Variants in CFAP47 observed in about 807,000 individuals in gnomAD.
CFAP47 encodes cilia- and flagella-associated protein 47.
In CFAP47, 29 loss-of-function variants were observed where a neutral mutation model predicts 148.1. The observed-to-expected ratio is 0.20, with a 90% CI of 0.15 to 0.27. The LOEUF (loss-of-function observed/expected upper bound fraction) is 0.27. CFAP47 is among the 10% of genes least tolerant of loss of function. The probability of loss-of-function intolerance (pLI) is 1.00; values close to 1 mark genes in which losing one functional copy is unlikely to be tolerated. For missense variants in CFAP47, 1,872 were observed against 1,697.5 expected, an observed-to-expected ratio of 1.10 and a Z score of -1.81; for synonymous variants, 664 against 577.3, an observed-to-expected ratio of 1.15 and a Z score of -2.15.
At chrX:36,250,985 A>T (rs1347911534) in intron 48 of CFAP47, among the ~76,000 whole-genome samples, 1 of 111,458 alleles carries the variant, frequency 9.0e-6, no homozygotes, top group Non-Finnish European at 1.9e-5. Context: ...TCTTTTGTAT[A>T]TCAAACTGCC....
chrX:36,328,766 C>T (rs2146971115), intron 57 of CFAP47, among the ~76,000 whole-genome samples: 1 of 101,980 alleles, frequency 9.8e-6, no homozygotes, highest in East Asian at 3.2e-4. Context: ...GCAGAGATTG[C>T]GCCACTGCAG....
intron 59 of CFAP47, among the ~76,000 whole-genome samples, chrX:36,352,002 C>A (rs1241180346): frequency 1.8e-5 from 2 of 111,326 alleles, no homozygotes; most frequent in African/African-American, 3.3e-5. Context: ...GAGTTATTCT[C>A]AAACCCAGGA....
chrX:36,225,504 C>T (rs1940260463), intron 45 of CFAP47, among the ~76,000 whole-genome samples: 1 of 111,326 alleles, frequency 9.0e-6, no homozygotes, highest in Non-Finnish European at 1.9e-5. Context: ...GATATGTCAG[C>T]CCACACACTT....
At position 35,951,667 on chromosome X, in the gene CFAP47, A is replaced by C. The variant is rs1181420860; in HGVS notation, c.886-136A>C. 1.4e-5 allele frequency: 10 copies of C among 719,332 alleles called. No individual in the cohort carries two copies. In the South Asian group the frequency reaches 4.1e-4, roughly 30 times the overall value. 59.3% of individuals were successfully genotyped at this position (719,332 alleles called of 1,213,427 possible). ...TGTATGATGTGCCTTGGTCAAATTT[A>C]TGTGTAAATGTTACTTTAAAGATAG... On this transcript the variant is annotated intron_variant, in intron 5 of 63. Coordinates refer to ENST00000378653, the MANE Select transcript of CFAP47 (RefSeq NM_001304548.2).
At chrX:36,341,737 A>AAAT (rs781997949) in intron 57 of CFAP47, among the ~76,000 whole-genome samples, 14 of 110,600 alleles carry the variant, frequency 1.3e-4, no homozygotes, top group South Asian at 3.8e-4. Flanking sequence ...AGCAAAGCAC[A>AAAT]AATAATAATA....
At chrX:36,374,674 T>C (rs998437193) in intron 62 of CFAP47, 14 of 340,327 alleles carry the variant, frequency 4.1e-5, no homozygotes, top group Non-Finnish European at 6.6e-5. Context: ...TAAGATTTCC[T>C]CTTAATACTA....
rs782691306 is a variant in CFAP47, at chrX:36,285,711, G to A, written c.7671G>A (p.Met2557Ile). The change falls in exon 51 of 64, where the codon ATG (methionine) becomes ATA (isoleucine). Residue 2557 changes from methionine to isoleucine, a missense_variant. Coordinates refer to ENST00000378653, the MANE Select transcript of CFAP47 (RefSeq NM_001304548.2). ...TPGPPIEIME[M>I]TCIALDSTCI... ...GACCACCCATAGAGATTATGGAAATGACATGTATTGCTCTGGTAAGTGCCC... is the reference window on the plus strand; with the variant it reads ...GACCACCCATAGAGATTATGGAAATAACATGTATTGCTCTGGTAAGTGCCC... 7 of 1,152,382 alleles carry A rather than the reference G, an allele frequency of 6.1e-6. No individual in the cohort carries two copies. The highest frequency in any genetic ancestry group is 4.6e-6 in the Non-Finnish European group (4 of 861,716). 95.0% of individuals were successfully genotyped at this position (1,152,382 alleles called of 1,213,427 possible).
chrX:36,322,898 A>G (rs1423227343), intron 57 of CFAP47, among the ~76,000 whole-genome samples: 1 of 111,224 alleles, frequency 9.0e-6, no homozygotes, highest in Admixed American at 9.7e-5. Context: ...ATGCTATAAT[A>G]CTAGTTGTAG....
At chrX:36,141,476 A>G (rs5973592) in intron 35 of CFAP47, among the ~76,000 whole-genome samples, 11,536 of 110,619 alleles carry the variant, frequency 0.1, 1,201 homozygotes, top group African/African-American at 0.32. Flanking sequence ...GTCCACATTG[A>G]GGGCAGATGT....
intron 39 of CFAP47, among the ~76,000 whole-genome samples, chrX:36,176,258 C>T (rs916244932): frequency 8.9e-6 from 1 of 112,154 alleles, no homozygotes; most frequent in African/African-American, 3.2e-5. Context: ...AATCACCCAT[C>T]TTCTGCGTCA....
chrX:36,246,524 G>A (rs1940616685), intron 48 of CFAP47, among the ~76,000 whole-genome samples: 1 of 111,470 alleles, frequency 9.0e-6, no homozygotes, highest in African/African-American at 3.3e-5. Context: ...GGAGGGAGAG[G>A]AACAAGCAGG....
chrX:36,284,347 G>T (rs1556004117), intron 50 of CFAP47, among the ~76,000 whole-genome samples: 1 of 111,519 alleles, frequency 9.0e-6, no homozygotes, highest in African/African-American at 3.3e-5. Flanking sequence ...CTTATTAATT[G>T]TAACTATTTT....
intron 49 of CFAP47, among the ~76,000 whole-genome samples, chrX:36,267,477 C>CTTT (rs1206035626): frequency 1.2e-5 from 1 of 82,091 alleles, no homozygotes; most frequent in Non-Finnish European, 2.3e-5. Flanking sequence ...GGTTCATGTT[C>CTTT]TTTTTTTTTT....
chrX:36,351,855 TA>T (rs1408109079), intron 59 of CFAP47, among the ~76,000 whole-genome samples: 1 of 112,227 alleles, frequency 8.9e-6, no homozygotes. Context: ...TATAATTTTA[TA>T]AATACATATC....
rs764983261 is a variant in CFAP47 at position 35,971,789 on chromosome X, A to T, written c.2157+17A>T. The T allele has an allele frequency of 2.8e-5, 34 of 1,193,283 alleles. No individual in the cohort carries two copies. The East Asian group carries it at 9.8e-4, about 34-fold the overall frequency. ...AGAAGAAAGGCACGTGCAATGTTTTACATTTGGTTATTCCACGAGAATTCT... is the reference window on the plus strand; with the variant it reads ...AGAAGAAAGGCACGTGCAATGTTTTTCATTTGGTTATTCCACGAGAATTCT... On this transcript the variant is annotated intron_variant, in intron 12 of 63. Transcript: ENST00000378653.
chrX:36,223,908 A>C, intron 45 of CFAP47, among the ~76,000 whole-genome samples: 1 of 111,737 alleles, frequency 8.9e-6, no homozygotes, highest in Non-Finnish European at 1.9e-5. Context: ...TGTGGGTTGA[A>C]AAACTACTTA....
Position 36,347,894 on chromosome X carries a change from C to T in CFAP47, c.8444-235C>T, listed in dbSNP as rs1229821703. Among the ~76,000 whole-genome samples the T allele has an allele frequency of 2.7e-5, 3 of 111,196 alleles. No homozygotes were observed. The East Asian group carries it at 8.5e-4, about 31-fold the overall frequency. On this transcript the variant is annotated intron_variant, in intron 57 of 63. Transcript: ENST00000378653. ...TGTATACCTATGTAACAAAACTGCA[C>T]GTTCTGCACATGTAACCCAGAACTT...
At chrX:36,053,660 T>A (rs1190402845) in intron 26 of CFAP47, among the ~76,000 whole-genome samples, 1 of 112,056 alleles carries the variant, frequency 8.9e-6, no homozygotes, top group Non-Finnish European at 1.9e-5. Flanking sequence ...TTTTCATGGT[T>A]AATCTATTCA....
At chrX:36,171,426 T>G (rs1421854950) in intron 39 of CFAP47, among the ~76,000 whole-genome samples, 10 of 109,416 alleles carry the variant, frequency 9.1e-5, no homozygotes, top group Non-Finnish European at 1.7e-4. Context: ...TTGTTATGGT[T>G]TTAGGTCTAA....
Sources: gnomAD v4.1 joint callset for allele counts (sites outside exome capture counted in the v4.1 genomes callset) on GRCh38, gnomAD v4.1.1 for gene constraint, MANE v1.5 for transcripts, NCBI Gene and HGNC (gene_info 2026-07-23, HGNC 2026-07-21) for gene names.